Variants in AMPH observed in about 807,000 individuals in gnomAD.
The protein encoded by AMPH is amphiphysin.
In AMPH, 49 loss-of-function variants were observed where a neutral mutation model predicts 99.1. The observed-to-expected ratio is 0.49, with a 90% CI of 0.39 to 0.63. The LOEUF is 0.63. AMPH is among the 20% of genes least tolerant of loss of function. AMPH has a pLI of 0.00. For missense variants in AMPH, 759 were observed against 863.4 expected (o/e 0.88, Z 1.52); for synonymous variants, 314 against 317.3 (o/e 0.99, Z 0.11).
chr7:38,605,741 A>AT lies in AMPH; in HGVS notation c.69+25541dup, dbSNP rs999876291. The stretch of plus-strand genomic sequence containing the variant: ...CAGGTGCCCACCACCATGCCCAGCT[A>AT]TTTTTTTTTTAAATATTTTAAGTAG... On this transcript the variant is annotated intron_variant, in intron 1 of 20. Coordinates refer to ENST00000356264, the MANE Select transcript of AMPH (RefSeq NM_001635.4). Among the ~76,000 whole-genome samples the AT allele has an allele frequency of 1.2e-3, 179 of 149,146 alleles. 1 individual carries two copies. The highest frequency in any genetic ancestry group is 3.4e-3 in the Middle Eastern group (1 of 292).
In AMPH at chr7:38,417,856, G is replaced by T. The variant is rs1785439786; in HGVS notation, c.1367C>A (p.Thr456Asn). Residue 456 changes from threonine (T) to asparagine (N), a missense_variant, in exon 17 of 21, where the codon ACT (threonine) becomes AAT (asparagine). Transcript: ENST00000356264. ...PAVGLDLGMD[T>N]RAEEPVEEAV... ...CTCCTCCACTGGCTCCTCAGCCCGAGTGTCCATTCCAAGGTCCAGACCAAC... is the reference window on the plus strand; with the variant it reads ...CTCCTCCACTGGCTCCTCAGCCCGATTGTCCATTCCAAGGTCCAGACCAAC... 3.1e-6 allele frequency: 5 copies of T among 1,614,130 alleles called. No homozygotes were observed. Among genetic ancestry groups the T allele is most frequent in the Non-Finnish European group, 4.2e-6 (5 of 1,179,986 alleles).
At chr7:38,517,315 C>A (rs1168047062) in intron 2 of AMPH, among the ~76,000 whole-genome samples, 1 of 152,168 alleles carries the variant, frequency 6.6e-6, no homozygotes, top group Non-Finnish European at 1.5e-5. Flanking sequence ...GGGTGGACTT[C>A]CCCCTTGCCA....
chr7:38,587,948 G>GCA (rs1792719176), intron 1 of AMPH, among the ~76,000 whole-genome samples: 3 of 137,600 alleles, frequency 2.2e-5, no homozygotes, highest in Admixed American at 6.9e-5. Flanking sequence ...GTGTGTGTGT[G>GCA]TGCGCGTGTG....
intron 1 of AMPH, among the ~76,000 whole-genome samples, chr7:38,574,609 A>C (rs1792164787): frequency 1.3e-5 from 2 of 152,232 alleles, no homozygotes; most frequent in African/African-American, 4.8e-5. Flanking sequence ...CACTTATTAC[A>C]AGAATAAATA....
chr7:38,540,873 G>C (rs1790783830), intron 1 of AMPH, among the ~76,000 whole-genome samples: 1 of 151,646 alleles, frequency 6.6e-6, no homozygotes, highest in Non-Finnish European at 1.5e-5. Context: ...TCATCCATTT[G>C]ATGAGGGCTC....
At chr7:38,568,942 C>T (rs1264879293) in intron 1 of AMPH, among the ~76,000 whole-genome samples, 1 of 152,044 alleles carries the variant, frequency 6.6e-6, no homozygotes, top group Non-Finnish European at 1.5e-5. Context: ...GATACAGATG[C>T]TATTATTATT....
At chr7:38,610,334 A>G (rs865987887) in intron 1 of AMPH, among the ~76,000 whole-genome samples, 3 of 23,176 alleles carry the variant, frequency 1.3e-4, no homozygotes, top group Non-Finnish European at 1.8e-4. Context: ...AAGAAAAGAA[A>G]AAAGAAAAGA....
chr7:38,491,078 G>A lies in AMPH; in HGVS notation c.368C>T (p.Thr123Ile), dbSNP rs1315626119. 1.2e-6 allele frequency: 2 copies of A among 1,612,516 alleles called. No homozygotes were observed. The highest frequency in any genetic ancestry group is 2.2e-5 in the East Asian group (1 of 44,846). ...TATGTCAGGAAATTGCCCCAGGTAG[G>A]TATCCAGTGTTAGCAAGGACCCATC... ...LVDGSLLTLD[T>I]YLGQFPDIKN... Residue 123 changes from threonine (T) to isoleucine (I), a missense_variant, in exon 5 of 21, where the codon ACC (threonine) becomes ATC (isoleucine). Physicochemically the swap from Thr to Ile is moderately conservative, Grantham distance 89 (BLOSUM62 -1). Coordinates refer to ENST00000356264, the MANE Select transcript of AMPH (RefSeq NM_001635.4).
chr7:38,441,308 T>C (rs77502378), intron 11 of AMPH, among the ~76,000 whole-genome samples: 2,095 of 152,172 alleles, frequency 0.014, 50 homozygotes, highest in African/African-American at 0.047. Flanking sequence ...CATTCAATAA[T>C]TGAAAGAACA....
intron 2 of AMPH, among the ~76,000 whole-genome samples, chr7:38,527,195 TTCC>T (rs1790221468): frequency 6.6e-6 from 1 of 152,268 alleles, no homozygotes; most frequent in Non-Finnish European, 1.5e-5. Flanking sequence ...AAAAGAATTT[TTCC>T]TCCTACTTTG....
chr7:38,520,015 A>T (rs2129033914), intron 2 of AMPH, among the ~76,000 whole-genome samples: 1 of 152,240 alleles, frequency 6.6e-6, no homozygotes, highest in South Asian at 2.1e-4. Flanking sequence ...AATAAATAAA[A>T]ATCAAAAAAA....
intron 12 of AMPH, among the ~76,000 whole-genome samples, chr7:38,435,675 A>C: frequency 6.6e-6 from 1 of 152,160 alleles, no homozygotes; most frequent in South Asian, 2.1e-4. Flanking sequence ...TAAGAAAGGA[A>C]GAAATATGGA....
At chr7:38,575,278 T>A (rs992043509) in intron 1 of AMPH, among the ~76,000 whole-genome samples, 4 of 152,158 alleles carry the variant, frequency 2.6e-5, no homozygotes, top group Admixed American at 2.0e-4. Flanking sequence ...GATAATACAG[T>A]CATTAATACT....
chr7:38,531,315 A>C (rs961801635), intron 2 of AMPH: 1 of 152,296 alleles, frequency 6.6e-6, no homozygotes, highest in Non-Finnish European at 1.5e-5. Flanking sequence ...AGCTGGAACT[A>C]CAGGCACGCA....
At chr7:38,464,114 A>G in intron 9 of AMPH, 2 of 1,288,428 alleles carry the variant, frequency 1.6e-6, no homozygotes, top group East Asian at 5.5e-5. Context: ...AGGAATGTTG[A>G]AAAAAAGTGA....
intron 14 of AMPH, chr7:38,428,530 C>A (rs1004811664): frequency 2.6e-5 from 12 of 456,616 alleles, no homozygotes; most frequent in Non-Finnish European, 4.4e-5. Context: ...CACTGAATTT[C>A]TTCAGCATCT....
intron 1 of AMPH, among the ~76,000 whole-genome samples, chr7:38,582,584 T>C (rs6946572): frequency 0.84 from 127,289 of 152,138 alleles, 53,667 homozygotes; most frequent in African/African-American, 0.91. Context: ...TTGTGTATTA[T>C]GTTTTAAATG....
chr7:38,614,329 C>T (rs544829898), intron 1 of AMPH, among the ~76,000 whole-genome samples: 4 of 152,302 alleles, frequency 2.6e-5, no homozygotes, highest in African/African-American at 9.6e-5. Flanking sequence ...CTGCAGTTTC[C>T]ATGATGGATC....
At chr7:38,390,587 A>C (rs1584027008) in intron 19 of AMPH, among the ~76,000 whole-genome samples, 1 of 152,290 alleles carries the variant, frequency 6.6e-6, no homozygotes, top group East Asian at 1.9e-4. Flanking sequence ...TGGCTTTTAA[A>C]GTGTGTATTT....
Sources: gnomAD v4.1 joint callset for allele counts (sites outside exome capture counted in the v4.1 genomes callset) on GRCh38, gnomAD v4.1.1 for gene constraint, MANE v1.5 for transcripts, NCBI Gene and HGNC (gene_info 2026-07-23, HGNC 2026-07-21) for gene names.